QTMAN: variants seen among roughly 807,000 people sequenced by gnomAD.
QTMAN encodes tRNA-queuosine alpha-mannosyltransferase.
the QTMAN span, among the ~76,000 whole-genome samples, chr2:144,075,390 T>C: frequency 6.6e-6 from 1 of 152,362 alleles, no homozygotes; most frequent in East Asian, 1.9e-4. Flanking sequence ...TAATTAAGCA[T>C]GGGAATAACC....
the QTMAN span, among the ~76,000 whole-genome samples, chr2:144,076,628 G>T: frequency 3.3e-5 from 5 of 152,036 alleles, no homozygotes; most frequent in African/African-American, 1.2e-4. Flanking sequence ...AAACAACACG[G>T]GACAATGCAA....
At chr2:144,254,448 A>G in the QTMAN span, among the ~76,000 whole-genome samples, 2 of 152,114 alleles carry the variant, frequency 1.3e-5, no homozygotes, top group Non-Finnish European at 2.9e-5. Context: ...TAAAATACAA[A>G]AAGGAATTAA....
At chr2:144,301,731 G>A in the QTMAN span, among the ~76,000 whole-genome samples, 1 of 152,114 alleles carries the variant, frequency 6.6e-6, no homozygotes, top group African/African-American at 2.4e-5. Context: ...ATGCTTTCTG[G>A]AGGAAATGCA....
chr2:144,158,823 T>C, the QTMAN span, among the ~76,000 whole-genome samples: 2 of 152,028 alleles, frequency 1.3e-5, no homozygotes, highest in African/African-American at 4.8e-5. Context: ...ACTGTAATGA[T>C]GATACATTTC....
chr2:144,228,694 C>A, the QTMAN span, among the ~76,000 whole-genome samples: 1 of 152,196 alleles, frequency 6.6e-6, no homozygotes, highest in South Asian at 2.1e-4. Flanking sequence ...CGCAGTGGCT[C>A]ATGCCTGCAA....
At chr2:144,303,025 C>A in the QTMAN span, among the ~76,000 whole-genome samples, 1 of 152,096 alleles carries the variant, frequency 6.6e-6, no homozygotes, top group Non-Finnish European at 1.5e-5. Context: ...TTGCTTGAAC[C>A]CGGAAGGCGG....
chr2:144,090,562 T>G, the QTMAN span, among the ~76,000 whole-genome samples: 5 of 152,150 alleles, frequency 3.3e-5, no homozygotes, highest in South Asian at 1.0e-3. Flanking sequence ...TGTATTTCCC[T>G]GTCCGGGCAA....
At chr2:144,280,635 G>T in the QTMAN span, among the ~76,000 whole-genome samples, 1 of 152,072 alleles carries the variant, frequency 6.6e-6, no homozygotes, top group South Asian at 2.1e-4. Context: ...CTCATAAAGT[G>T]AATAACTCTA....
the QTMAN span, chr2:143,939,473 C>CT: frequency 2.0e-5 from 3 of 152,250 alleles, no homozygotes; most frequent in South Asian, 4.1e-4. Flanking sequence ...TTGTTTTGGT[C>CT]TTTAAGTTTT....
At chr2:144,051,628 C>G in the QTMAN span, among the ~76,000 whole-genome samples, 1 of 152,088 alleles carries the variant, frequency 6.6e-6, no homozygotes, top group Non-Finnish European at 1.5e-5. Context: ...TCCTGATAAT[C>G]CAGTTGATGA....
At chr2:143,949,686 C>A in the QTMAN span, among the ~76,000 whole-genome samples, 1 of 151,952 alleles carries the variant, frequency 6.6e-6, no homozygotes, top group South Asian at 2.1e-4. Flanking sequence ...AAGATCCTCT[C>A]CGACTGCATA....
chr2:144,247,584 C>T, the QTMAN span, among the ~76,000 whole-genome samples: 2 of 152,106 alleles, frequency 1.3e-5, no homozygotes, highest in African/African-American at 4.8e-5. Flanking sequence ...CAAAAGATAG[C>T]AATGTGTATA....
At chr2:144,311,523 G>C in the QTMAN span, among the ~76,000 whole-genome samples, 1 of 152,284 alleles carries the variant, frequency 6.6e-6, no homozygotes, top group Admixed American at 6.5e-5. Flanking sequence ...ATTATAACAT[G>C]GGCAAGCAAG....
chr2:144,321,354 A>T, the QTMAN span, among the ~76,000 whole-genome samples: 1 of 152,190 alleles, frequency 6.6e-6, no homozygotes, highest in Non-Finnish European at 1.5e-5. Flanking sequence ...GCAATGGAGG[A>T]ATGTGTTTGG....
chr2:143,951,171 T>C, the QTMAN span, among the ~76,000 whole-genome samples: 1 of 151,594 alleles, frequency 6.6e-6, no homozygotes, highest in African/African-American at 2.4e-5. Flanking sequence ...ATAAAACTGC[T>C]AGATGTAAAC....
the QTMAN span, among the ~76,000 whole-genome samples, chr2:143,991,597 C>T: frequency 4.2e-5 from 6 of 143,296 alleles, no homozygotes; most frequent in African/African-American, 7.8e-5. Flanking sequence ...CCGCCTCGTC[C>T]GGGAGGTGAG....
At chr2:144,308,162 GTT>G in the QTMAN span, among the ~76,000 whole-genome samples, 6 of 110,810 alleles carry the variant, frequency 5.4e-5, no homozygotes, top group Admixed American at 9.2e-5. Context: ...ATGATTGGTT[GTT>G]TTTTTTTTTT....
the QTMAN span, among the ~76,000 whole-genome samples, chr2:144,015,234 C>G: frequency 1.5e-4 from 23 of 152,244 alleles, no homozygotes; most frequent in East Asian, 2.9e-3. Flanking sequence ...CCCACTCCCC[C>G]CTAAAAAGAG....
At chr2:144,090,745 A>T in the QTMAN span, among the ~76,000 whole-genome samples, 1 of 152,070 alleles carries the variant, frequency 6.6e-6, no homozygotes, top group Non-Finnish European at 1.5e-5. Context: ...CAGAAGATTC[A>T]ATACTGTTAA....
Sources: allele counts gnomAD v4.1 joint callset (sites outside exome capture counted in the v4.1 genomes callset), GRCh38; gene constraint gnomAD v4.1.1; transcripts MANE v1.5; gene names NCBI Gene and HGNC (gene_info 2026-07-23, HGNC 2026-07-21).